NIPA2: variants seen among roughly 807,000 people sequenced by gnomAD.
NIPA2 encodes the protein NIPA magnesium transporter 2.
In NIPA2, 11 loss-of-function variants were observed where a neutral mutation model predicts 29.7. That is an observed-to-expected ratio of 0.37 (90% CI 0.23 to 0.61). The LOEUF is 0.61. Ranked by LOEUF, NIPA2 falls within the 20% of genes least tolerant of loss-of-function variation. NIPA2 has a pLI of 0.66. For missense variants in NIPA2, 426 were observed against 437.9 expected, an observed-to-expected ratio of 0.97 and a Z score of 0.24; for synonymous variants, 183 against 161.9, an observed-to-expected ratio of 1.13 and a Z score of -0.99.
rs560542897 is a variant in NIPA2 at position 22,851,562 on chromosome 15, A to G, written c.-93-77A>G. 8.5e-5 allele frequency: 35 copies of G among 410,898 alleles called. 2 individuals carry two copies. In the South Asian group the frequency reaches 1.7e-3, roughly 20 times the overall value. The allele number at this position is 410,898 out of a possible 1,614,324, so 25.5% of individuals were successfully genotyped here. ...CTATTTTTTCTTTAGGGGAAGAGAA[A>G]TGGAGTAAAATTTTGAATTGCATGT... On this transcript the variant is annotated intron_variant, in intron 3 of 7. Coordinates refer to ENST00000337451, the MANE Select transcript of NIPA2 (RefSeq NM_030922.7).
At chr15:22,846,945 C>T (rs1855845350) in intron 3 of NIPA2, among the ~76,000 whole-genome samples, 2 of 149,090 alleles carry the variant, frequency 1.3e-5, no homozygotes, top group South Asian at 4.2e-4. Context: ...CTCTTGTTGC[C>T]CAGGCTGGAG....
intron 7 of NIPA2, among the ~76,000 whole-genome samples, chr15:22,864,694 C>G (rs931121024): frequency 6.6e-6 from 1 of 152,186 alleles, no homozygotes; most frequent in African/African-American, 2.4e-5. Flanking sequence ...TTCAATCTTG[C>G]CTTTACTCCA....
At chr15:22,858,209 C>T (rs937975942) in intron 5 of NIPA2, among the ~76,000 whole-genome samples, 6 of 151,964 alleles carry the variant, frequency 3.9e-5, no homozygotes, top group South Asian at 2.1e-4. Context: ...CTGGCTAACA[C>T]GGTGAAACTC....
At chr15:22,846,105 G>A (rs190721727) in intron 3 of NIPA2, among the ~76,000 whole-genome samples, 2 of 152,316 alleles carry the variant, frequency 1.3e-5, no homozygotes, top group East Asian at 1.9e-4. Context: ...CGAGATGGAC[G>A]GAAGTTTCTT....
intron 5 of NIPA2, among the ~76,000 whole-genome samples, chr15:22,857,616 C>T (rs1311960344): frequency 4.0e-5 from 6 of 151,600 alleles, no homozygotes; most frequent in Admixed American, 3.9e-4. Flanking sequence ...GTGGGTGGAT[C>T]ATTTGAGGTC....
intron 5 of NIPA2, 58 bp downstream of exon 5, chr15:22,853,326 T>A (rs2057913603): frequency 9.2e-7 from 1 of 1,083,960 alleles, no homozygotes; most frequent in Non-Finnish European, 1.4e-6. Context: ...AATATTTGCA[T>A]ATGGTATTAT....
rs753028628 is a variant in NIPA2, at chr15:22,866,365, A to C, written c.601A>C (p.Ile201Leu). 4 of 1,614,056 alleles carry C rather than the reference A, an allele frequency of 2.5e-6. No individual in the cohort carries two copies. Among genetic ancestry groups the C allele is most frequent in the Non-Finnish European group, 3.4e-6 (4 of 1,179,972 alleles). Residue 201 changes from isoleucine to leucine, a missense_variant, in exon 8 of 8, where the codon ATT becomes CTT. Physicochemically the swap from Ile to Leu is conservative, Grantham distance 5 (BLOSUM62 2). This residue lies in a region of NIPA2 where 357 missense variants were observed against 339.8 expected (regional missense o/e 1.05). Coordinates refer to ENST00000337451, the MANE Select transcript of NIPA2 (RefSeq NM_030922.7). ...AGTCTCCTGTGTGAAGGGCCTGGGC[A>C]TTGCTATCAAGGAGCTGTTTGCAGG... ...FSVSCVKGLG[I>L]AIKELFAGKP...
At chr15:22,848,824 T>TAA (rs1208526914) in intron 3 of NIPA2, among the ~76,000 whole-genome samples, 2 of 10,644 alleles carry the variant, frequency 1.9e-4, no homozygotes, top group Admixed American at 1.8e-3. Flanking sequence ...GACTCTTGTC[T>TAA]CAAAAAAAAA....
chr15:22,853,374 CTTTT>C (rs35568106), intron 5 of NIPA2, 106 bp downstream of exon 5: 1,160 of 378,628 alleles, frequency 3.1e-3, no homozygotes, highest in South Asian at 5.0e-3. Flanking sequence ...TTTAAATAAT[CTTTT>C]TTTTTTTTTT....
intron 2 of NIPA2, among the ~76,000 whole-genome samples, chr15:22,844,510 C>G (rs996515649): frequency 1.3e-4 from 19 of 151,906 alleles, no homozygotes; most frequent in African/African-American, 4.4e-4. Context: ...GCCGAGATGG[C>G]GCCATCGCAC....
intron 3 of NIPA2, among the ~76,000 whole-genome samples, chr15:22,848,078 G>C (rs1034631553): frequency 1.3e-5 from 2 of 151,904 alleles, no homozygotes; most frequent in Non-Finnish European, 2.9e-5. Flanking sequence ...GATTACAGGC[G>C]TGAGCCACCA....
At chr15:22,861,722 C>T (rs1245423613) in intron 7 of NIPA2, among the ~76,000 whole-genome samples, 1 of 151,986 alleles carries the variant, frequency 6.6e-6, no homozygotes, top group East Asian at 1.9e-4. Context: ...CCATTTTTGT[C>T]CATTGTGCTG....
chr15:22,846,170 G>A (rs1243453704), intron 3 of NIPA2, among the ~76,000 whole-genome samples: 1 of 152,200 alleles, frequency 6.6e-6, no homozygotes, highest in African/African-American at 2.4e-5. Context: ...GCAAGGCTTT[G>A]TGGTAACGAG....
At chr15:22,859,000 C>T (rs529124733) in intron 6 of NIPA2, among the ~76,000 whole-genome samples, 1 of 151,976 alleles carries the variant, frequency 6.6e-6, no homozygotes, top group Non-Finnish European at 1.5e-5. Context: ...ATGGTAAAAC[C>T]CTGTCTCTAC....
Position 22,867,296 on chromosome 15 carries a change from G to T in NIPA2, c.*449G>T. On this transcript the variant is annotated 3_prime_UTR_variant, in exon 8 of 8. Coordinates refer to ENST00000337451, the MANE Select transcript of NIPA2 (RefSeq NM_030922.7). ...GTGATTTACCTTACCTACAAAAGTG[G>T]CTCCTGTTTGTTTGATGATGATTGG... 1 of 398,202 alleles carries T rather than the reference G, an allele frequency of 2.5e-6. No homozygotes were observed. Among genetic ancestry groups the T allele is most frequent in the East Asian group, 3.6e-5 (1 of 28,018 alleles). 24.7% of individuals were successfully genotyped at this position (398,202 alleles called of 1,614,324 possible).
intron 5 of NIPA2, among the ~76,000 whole-genome samples, chr15:22,855,819 A>G (rs2058136384): frequency 6.6e-6 from 1 of 152,180 alleles, no homozygotes; most frequent in South Asian, 2.1e-4. Context: ...TTGAAGCAGG[A>G]GGAAACTGTA....
chr15:22,852,624 G>A (rs566592565), intron 4 of NIPA2, among the ~76,000 whole-genome samples: 4 of 152,200 alleles, frequency 2.6e-5, no homozygotes, highest in East Asian at 1.9e-4. Context: ...AGTGAACTTC[G>A]GCTGGTGTAG....
At chr15:22,847,248 C>G (rs1899008547) in intron 3 of NIPA2, among the ~76,000 whole-genome samples, 1 of 151,732 alleles carries the variant, frequency 6.6e-6, no homozygotes, top group Admixed American at 6.6e-5. Context: ...TGTAGATAAA[C>G]CTGACTTTTT....
intron 6 of NIPA2, among the ~76,000 whole-genome samples, chr15:22,859,581 T>C (rs890980455): frequency 8.5e-5 from 13 of 152,222 alleles, no homozygotes; most frequent in African/African-American, 2.2e-4. Context: ...CGTGAGCCAC[T>C]GTGCCCGGCC....
Sources: allele counts gnomAD v4.1 joint callset (sites outside exome capture counted in the v4.1 genomes callset), GRCh38; gene constraint gnomAD v4.1.1; regional missense constraint gnomAD v4.1.1; transcripts MANE v1.5; gene names NCBI Gene and HGNC (gene_info 2026-07-23, HGNC 2026-07-21).